ARSJ: variants seen among roughly 807,000 people sequenced by gnomAD.
ARSJ encodes the protein arylsulfatase family member J.
A neutral mutation model predicts 35.9 loss-of-function variants in ARSJ; 26 were observed. That is an observed-to-expected ratio of 0.72 (90% CI 0.53 to 1.00). ARSJ has a LOEUF of 1.00. Among genes scored for constraint, ARSJ ranks in the 50% least tolerant of loss-of-function variants. ARSJ has a pLI of 0.00. For synonymous variants in ARSJ, 294 were observed against 267.6 expected, an observed-to-expected ratio of 1.10 and a Z score of -0.96; for missense variants, 667 against 723.6, an observed-to-expected ratio of 0.92 and a Z score of 0.90.
chr4:113,976,033 G>A (rs774973665), intron 1 of ARSJ, among the ~76,000 whole-genome samples: 5 of 152,076 alleles, frequency 3.3e-5, no homozygotes, highest in Non-Finnish European at 7.4e-5. Context: ...AACGCTTATT[G>A]ACAGGCTGAC....
At chr4:113,976,770 T>C (rs1032361350) in intron 1 of ARSJ, among the ~76,000 whole-genome samples, 8 of 152,158 alleles carry the variant, frequency 5.3e-5, no homozygotes, top group African/African-American at 1.9e-4. Flanking sequence ...AGAAAAGAAA[T>C]CTCATCAGAT....
At position 113,961,919 on chromosome 4, in the gene ARSJ, G is replaced by C. The variant is rs1169382224; in HGVS notation, c.398+16518C>G. Among the ~76,000 whole-genome samples the C allele has an allele frequency of 4.2e-5, 6 of 143,114 alleles. No homozygotes were observed. In the East Asian group the frequency reaches 5.9e-4, roughly 14 times the overall value. The allele number at this position is 143,114 out of a possible 152,430, so 93.9% of individuals were successfully genotyped here. A position where few individuals can be genotyped will look rare whatever the true frequency, so the allele number is the denominator to read the frequency against. ...TCTCTGTGTGTGTGTGTGTGTGTGT[G>C]TGTGTGTGTGTGTGTGTGTGTGTAA... On this transcript the variant is annotated intron_variant, in intron 1 of 1. Coordinates refer to ENST00000315366, the MANE Select transcript of ARSJ (RefSeq NM_024590.4).
At chr4:113,945,559 C>T (rs1325321455) in intron 1 of ARSJ, among the ~76,000 whole-genome samples, 2 of 151,866 alleles carry the variant, frequency 1.3e-5, no homozygotes, top group African/African-American at 2.4e-5. Context: ...TATTTGAGTA[C>T]AAATAGAATT....
intron 1 of ARSJ, among the ~76,000 whole-genome samples, chr4:113,947,046 G>T (rs888312561): frequency 1.3e-5 from 2 of 152,052 alleles, no homozygotes; most frequent in African/African-American, 4.8e-5. Context: ...AAAAATAATT[G>T]TAAGTATTAC....
chr4:113,903,825 G>T, intron 1 of ARSJ, 150 bp from the exon 2 acceptor site: 1 of 1,121,306 alleles, frequency 8.9e-7, no homozygotes, highest in Non-Finnish European at 1.2e-6. Context: ...CAGCATTTCT[G>T]CTCTTTACTC....
At chr4:113,916,679 C>T (rs1392376624) in intron 1 of ARSJ, among the ~76,000 whole-genome samples, 2 of 152,118 alleles carry the variant, frequency 1.3e-5, no homozygotes, top group Non-Finnish European at 2.9e-5. Context: ...TGCCCACTCT[C>T]TTTCTTTTTC....
chr4:113,908,641 G>C (rs974249542), intron 1 of ARSJ, among the ~76,000 whole-genome samples: 2 of 151,976 alleles, frequency 1.3e-5, no homozygotes, highest in African/African-American at 4.8e-5. Context: ...ATGTTAATTA[G>C]AACACATCTG....
At chr4:113,924,239 A>G (rs947352190) in intron 1 of ARSJ, among the ~76,000 whole-genome samples, 3 of 151,372 alleles carry the variant, frequency 2.0e-5, no homozygotes, top group Non-Finnish European at 2.9e-5. Context: ...TTGGAGTCCA[A>G]CGTTCGAGGG....
chr4:113,950,281 A>G (rs1387439535), intron 1 of ARSJ, among the ~76,000 whole-genome samples: 2 of 152,054 alleles, frequency 1.3e-5, no homozygotes, highest in African/African-American at 4.8e-5. Flanking sequence ...GAATAGTCCT[A>G]TTCTAACCCT....
intron 1 of ARSJ, among the ~76,000 whole-genome samples, chr4:113,939,993 A>T (rs1156253777): frequency 6.6e-6 from 1 of 152,020 alleles, no homozygotes; most frequent in Non-Finnish European, 1.5e-5. Context: ...AGGAAACAAC[A>T]GATGCTGGCG....
At chr4:113,976,903 T>C (rs1457692145) in intron 1 of ARSJ, among the ~76,000 whole-genome samples, 1 of 152,254 alleles carries the variant, frequency 6.6e-6, no homozygotes, top group Non-Finnish European at 1.5e-5. Flanking sequence ...AGATAAAACC[T>C]ACATATTGTT....
chr4:113,943,072 C>T (rs1017172561), intron 1 of ARSJ, among the ~76,000 whole-genome samples: 2 of 152,022 alleles, frequency 1.3e-5, no homozygotes, highest in Admixed American at 1.3e-4. Context: ...CCACTAACCT[C>T]CTTTTGGCCA....
rs1727801661 is a variant in ARSJ at position 113,979,444 on chromosome 4, C to T, written c.-610G>A. ...CCTTTCCTAGGCGTTTGCCAATCTC[C>T]CCGACACTCACCAGGCGGCGAAGTG... is the stretch of plus-strand genomic sequence containing the variant. On this transcript the variant is annotated 5_prime_UTR_variant, in exon 1 of 2. Coordinates refer to ENST00000315366, the MANE Select transcript of ARSJ (RefSeq NM_024590.4). 6.6e-6 allele frequency: 1 copy of T among 152,454 alleles called. No homozygotes were observed. The highest frequency in any genetic ancestry group is 2.1e-4 in the South Asian group (1 of 4,838). The allele number at this position is 152,454 out of a possible 1,614,324, so 9.4% of individuals were successfully genotyped here.
chr4:113,912,787 A>T (rs77926177), intron 1 of ARSJ, among the ~76,000 whole-genome samples: 4 of 151,858 alleles, frequency 2.6e-5, no homozygotes, highest in Non-Finnish European at 5.9e-5. Flanking sequence ...AAAGATAAAG[A>T]AAAAATGTAT....
intron 1 of ARSJ, among the ~76,000 whole-genome samples, chr4:113,932,174 T>C (rs576326039): frequency 1.3e-5 from 2 of 152,128 alleles, no homozygotes; most frequent in South Asian, 2.1e-4. Context: ...ACAACAACTA[T>C]AAATATCTAT....
At chr4:113,927,821 A>T (rs1474547144) in intron 1 of ARSJ, among the ~76,000 whole-genome samples, 1 of 152,180 alleles carries the variant, frequency 6.6e-6, no homozygotes, top group Non-Finnish European at 1.5e-5. Context: ...GCGTCTTTCA[A>T]GTCCTTGATG....
intron 1 of ARSJ, among the ~76,000 whole-genome samples, chr4:113,969,416 C>A (rs1453082225): frequency 6.6e-6 from 1 of 152,040 alleles, no homozygotes; most frequent in Non-Finnish European, 1.5e-5. Flanking sequence ...ACTATACTTA[C>A]AGAAAGCTTT....
At chr4:113,943,945 T>G (rs1466754278) in intron 1 of ARSJ, among the ~76,000 whole-genome samples, 1 of 152,024 alleles carries the variant, frequency 6.6e-6, no homozygotes, top group Admixed American at 6.6e-5. Context: ...TAATTTGGAT[T>G]TTATTCTCAT....
At position 113,902,609 on chromosome 4, in the gene ARSJ, T is replaced by C. The variant is rs200957837; in HGVS notation, c.1465A>G (p.Thr489Ala). Residue 489 changes from threonine to alanine, a missense_variant, in exon 2 of 2, where the codon ACT (threonine) becomes GCT (alanine). Thr to Ala is a moderately conservative substitution (Grantham distance 58). Coordinates refer to ENST00000315366, the MANE Select transcript of ARSJ (RefSeq NM_024590.4). Reference sequence around the variant, plus strand: ...TTGAAAAGCCATACACTTTTGCCAGTTGACAAGGTGATCCGTTCATTGTGC... The same window carrying C: ...TTGAAAAGCCATACACTTTTGCCAGCTGACAAGGTGATCCGTTCATTGTGC... ...RWHNERITLS[T>A]GKSVWLFNIT... The C allele has an allele frequency of 3.6e-5, 58 of 1,614,022 alleles. No homozygotes were observed. Among genetic ancestry groups the C allele is most frequent in the Admixed American group, 3.3e-4 (20 of 60,004 alleles).
Sources: allele counts gnomAD v4.1 joint callset (sites outside exome capture counted in the v4.1 genomes callset), GRCh38; gene constraint gnomAD v4.1.1; transcripts MANE v1.5; gene names NCBI Gene and HGNC (gene_info 2026-07-23, HGNC 2026-07-21).